ZC3H12B: variants seen among roughly 807,000 people sequenced by gnomAD.
ZC3H12B encodes the protein zinc finger CCCH-type containing 12B.
In ZC3H12B, 7 loss-of-function variants were observed where a neutral mutation model predicts 43.9. That is an observed-to-expected ratio of 0.16 (90% CI 0.09 to 0.30). The LOEUF (loss-of-function observed/expected upper bound fraction) is 0.30, where lower values mean the gene tolerates loss of function less well. ZC3H12B is among the 10% of genes least tolerant of loss of function. ZC3H12B has a pLI of 1.00. For missense variants in ZC3H12B, 475 were observed against 670.2 expected, an observed-to-expected ratio of 0.71 and a Z score of 3.22; for synonymous variants, 222 against 241.7, an observed-to-expected ratio of 0.92 and a Z score of 0.76.
chrX:65,415,108 G>A (rs933939423), intron 3 of ZC3H12B, among the ~76,000 whole-genome samples: 1 of 112,426 alleles, frequency 8.9e-6, no homozygotes, highest in African/African-American at 3.2e-5. Context: ...GAGCTTTCTG[G>A]TCATGGGTGG....
At chrX:65,131,987 G>C in the ZC3H12B span, among the ~76,000 whole-genome samples, 2,141 of 111,714 alleles carry the variant, frequency 0.019, 21 homozygotes, top group Non-Finnish European at 0.032. Context: ...AAAGAGCTTG[G>C]CTGAAGTAAT....
the ZC3H12B span, among the ~76,000 whole-genome samples, chrX:65,075,883 A>AGTTTTC: frequency 8.9e-6 from 1 of 111,776 alleles, no homozygotes; most frequent in African/African-American, 3.3e-5. Context: ...TGATGATGCT[A>AGTTTTC]TGCTAAGCTG....
At chrX:65,352,285 G>A in the ZC3H12B span, among the ~76,000 whole-genome samples, 1 of 111,212 alleles carries the variant, frequency 9.0e-6, no homozygotes, top group Admixed American at 9.6e-5. Context: ...ATGGACACAG[G>A]GATGGGAACA....
chrX:65,403,881 G>T (rs1049086681), intron 3 of ZC3H12B, among the ~76,000 whole-genome samples: 6 of 111,027 alleles, frequency 5.4e-5, no homozygotes, highest in Non-Finnish European at 9.5e-5. Context: ...ATCATCTGAA[G>T]GTACAAAACT....
chrX:65,317,941 G>T, the ZC3H12B span, among the ~76,000 whole-genome samples: 17 of 105,423 alleles, frequency 1.6e-4, no homozygotes, highest in Admixed American at 5.2e-4. Context: ...ATTTGGGCTG[G>T]TTCCACATTT....
the ZC3H12B span, among the ~76,000 whole-genome samples, chrX:65,301,520 C>CAA: frequency 1.0e-5 from 1 of 97,491 alleles, no homozygotes; most frequent in African/African-American, 3.7e-5. Context: ...ACTATTCAGC[C>CAA]AAAAAAAAAA....
chrX:65,317,636 T>C, the ZC3H12B span, among the ~76,000 whole-genome samples: 9 of 108,768 alleles, frequency 8.3e-5, no homozygotes, highest in Non-Finnish European at 1.1e-4. Context: ...GATGTTTGGG[T>C]TTCCATTCCT....
At chrX:65,429,418 G>A (rs2067123419) in intron 3 of ZC3H12B, among the ~76,000 whole-genome samples, 1 of 112,806 alleles carries the variant, frequency 8.9e-6, no homozygotes, top group Non-Finnish European at 1.9e-5. Context: ...TCCAGAGAGA[G>A]ATCAGAGCTC....
At chrX:65,337,850 C>A in the ZC3H12B span, among the ~76,000 whole-genome samples, 1 of 112,401 alleles carries the variant, frequency 8.9e-6, no homozygotes, top group Non-Finnish European at 1.9e-5. Flanking sequence ...AGCTCACATT[C>A]TCTGTCTTCA....
At chrX:65,161,204 G>C in the ZC3H12B span, among the ~76,000 whole-genome samples, 1 of 111,126 alleles carries the variant, frequency 9.0e-6, no homozygotes. Flanking sequence ...TTTGGAATAG[G>C]TATGGTGTGA....
chrX:65,133,597 G>T, the ZC3H12B span, among the ~76,000 whole-genome samples: 14 of 111,597 alleles, frequency 1.3e-4, no homozygotes, highest in Non-Finnish European at 2.4e-4. Context: ...GCAGGTGGGG[G>T]ACAGCTAGTT....
rs1457680940 is a variant in ZC3H12B at position 65,499,812 on chromosome X, A to G, written c.984-71A>G. Reference sequence around the variant, plus strand: ...ACAACAGTACAGGCAAGAGGTAATGAAAATCTGAACTCCTAGTAAGGAGTA... The same window carrying G: ...ACAACAGTACAGGCAAGAGGTAATGGAAATCTGAACTCCTAGTAAGGAGTA... On this transcript the variant is annotated intron_variant, in intron 3 of 4. Coordinates refer to ENST00000338957, the Ensembl canonical transcript of ZC3H12B. The G allele has an allele frequency of 5.6e-6, 5 of 893,284 alleles. No individual in the cohort carries two copies. The Admixed American group carries it at 1.2e-4, about 21-fold the overall frequency. The allele number at this position is 893,284 out of a possible 1,213,427, so 73.6% of individuals were successfully genotyped here. A position where few individuals can be genotyped will look rare whatever the true frequency, so the allele number is the denominator to read the frequency against.
At chrX:65,132,985 G>A in the ZC3H12B span, among the ~76,000 whole-genome samples, 3 of 111,443 alleles carry the variant, frequency 2.7e-5, no homozygotes, top group Non-Finnish European at 5.7e-5. Flanking sequence ...GCTGCCGGGT[G>A]AGTTGGACAG....
chrX:65,380,120 C>A (rs1490747677), intron 2 of ZC3H12B, among the ~76,000 whole-genome samples: 1 of 111,540 alleles, frequency 9.0e-6, no homozygotes, highest in African/African-American at 3.3e-5. Flanking sequence ...CACAAAGATA[C>A]TCCTTGAGAA....
chrX:65,111,547 T>C, the ZC3H12B span, among the ~76,000 whole-genome samples: 1 of 86,714 alleles, frequency 1.2e-5, no homozygotes, highest in Admixed American at 1.0e-4. Flanking sequence ...ATTTTTTTAT[T>C]TTTTTATTAT....
the ZC3H12B span, among the ~76,000 whole-genome samples, chrX:65,137,194 A>G: frequency 8.9e-6 from 1 of 112,340 alleles, no homozygotes; most frequent in Non-Finnish European, 1.9e-5. Flanking sequence ...CAGTTTTTAT[A>G]TAAGATTTTG....
At chrX:65,447,259 C>T (rs1217571581) in intron 3 of ZC3H12B, among the ~76,000 whole-genome samples, 1 of 111,446 alleles carries the variant, frequency 9.0e-6, no homozygotes, top group Non-Finnish European at 1.9e-5. Flanking sequence ...GTCAAATGAC[C>T]TGTCTTTTAA....
At chrX:65,327,287 C>T in the ZC3H12B span, among the ~76,000 whole-genome samples, 2 of 110,968 alleles carry the variant, frequency 1.8e-5, no homozygotes, top group East Asian at 2.8e-4. Flanking sequence ...ATATCTGTAT[C>T]TACATATCGA....
At chrX:65,217,825 A>C in the ZC3H12B span, among the ~76,000 whole-genome samples, 1 of 111,876 alleles carries the variant, frequency 8.9e-6, no homozygotes. Flanking sequence ...CAAATGGGAA[A>C]AATTAAGAGC....
Sources: gnomAD v4.1 joint callset for allele counts (sites outside exome capture counted in the v4.1 genomes callset) on GRCh38, gnomAD v4.1.1 for gene constraint, MANE v1.5 for transcripts, NCBI Gene and HGNC (gene_info 2026-07-23, HGNC 2026-07-21) for gene names.